CREM: variants seen among roughly 807,000 people sequenced by gnomAD.
CREM encodes the protein cAMP responsive element modulator.
CREM carries 13 observed loss-of-function variants against 37.3 expected under a neutral mutation model. That is an observed-to-expected ratio of 0.35 (90% CI 0.23 to 0.55). The LOEUF (loss-of-function observed/expected upper bound fraction) is 0.55. Among genes scored for constraint, CREM ranks in the 20% least tolerant of loss-of-function variants. The pLI is 0.88. For synonymous variants in CREM, 124 were observed against 120.2 expected (o/e 1.03, Z -0.21); for missense variants, 296 against 362.3 (o/e 0.82, Z 1.49).
chr10:35,145,850 G>C lies in CREM; in HGVS notation c.45-2518G>C, dbSNP rs2092047409. On this transcript the variant is annotated intron_variant, in intron 2 of 7. Transcript: ENST00000685392. ...TTAATTACTGACCTGCCAATAAACT[G>C]TGTTTCTCAAATTTTAGTACATATT... is the stretch of plus-strand genomic sequence containing the variant. 2.0e-5 allele frequency among the ~76,000 whole-genome samples: 3 copies of C among 148,114 alleles called. No homozygotes were observed. The Admixed American group carries it at 2.0e-4, about 10-fold the overall frequency.
At chr10:35,185,999 A>T (rs1394509470) in intron 5 of CREM, among the ~76,000 whole-genome samples, 2 of 152,230 alleles carry the variant, frequency 1.3e-5, no homozygotes, top group East Asian at 1.9e-4. Flanking sequence ...TTTTTTGCCT[A>T]GATGCCTTTA....
At chr10:35,185,631 A>G (rs538806590) in intron 5 of CREM, among the ~76,000 whole-genome samples, 62 of 152,326 alleles carry the variant, frequency 4.1e-4, no homozygotes, top group African/African-American at 1.4e-3. Context: ...CCCTTTTACT[A>G]TGAGGGCTGA....
chr10:35,169,559 CT>C (rs1454766503), intron 3 of CREM, among the ~76,000 whole-genome samples: 2 of 152,288 alleles, frequency 1.3e-5, no homozygotes, highest in Admixed American at 1.3e-4. Context: ...ATATGACTTC[CT>C]CTTTTCCTAA....
chr10:35,206,854 G>T (rs2134589748), intron 6 of CREM, 41 bp from the exon 7 acceptor site: 1 of 1,603,754 alleles, frequency 6.2e-7, no homozygotes, highest in Non-Finnish European at 8.5e-7. Context: ...GCCAAATTAT[G>T]AATTCTTTAT....
At chr10:35,135,885 G>C (rs546698764) in intron 1 of CREM, among the ~76,000 whole-genome samples, 150 of 152,246 alleles carry the variant, frequency 9.9e-4, no homozygotes, top group African/African-American at 3.4e-3. Flanking sequence ...GGGGTATTGA[G>C]GAAGATGGGG....
rs41306322 is a variant in CREM, at chr10:35,211,139, C to T, written c.756-115C>T. On this transcript the variant is annotated intron_variant, in intron 7 of 7. Coordinates refer to ENST00000685392, the MANE Select transcript of CREM (RefSeq NM_183011.2). ...GTTATGTTTGTTATGTGGCTTTGTA[C>T]AGTCCTTACCTAGGATCGATTGGCT... 2,113 of 1,079,590 alleles carry T rather than the reference C, an allele frequency of 2.0e-3. 3 individuals carry two copies. Among genetic ancestry groups the T allele is most frequent in the Non-Finnish European group, 2.6e-3 (1,959 of 748,922 alleles). 66.9% of individuals were successfully genotyped at this position (1,079,590 alleles called of 1,614,324 possible).
Position 35,206,915 on chromosome 10 carries a change from A to T in CREM, c.619A>T (p.Thr207Ser). 6.2e-7 allele frequency: 1 copy of T among 1,613,816 alleles called. No individual in the cohort carries two copies. Among genetic ancestry groups the T allele is most frequent in the Non-Finnish European group, 8.5e-7 (1 of 1,179,972 alleles). ...VVQAATGDMP[T>S]YQIRAPTAAL... ...TGCAGCTGCCACTGGTGACATGCCA[A>T]CTTACCAGATCCGAGCTCCTACTGC... Residue 207 changes from threonine (T) to serine (S), a missense_variant, in exon 7 of 8, where the codon ACT becomes TCT. Around this residue, in one of 2 missense-constraint regions of CREM, gnomAD observed 257 missense variants for 280.2 expected, o/e 0.92. Coordinates refer to ENST00000685392, the MANE Select transcript of CREM (RefSeq NM_183011.2).
intron 5 of CREM, 92 bp from the exon 6 acceptor site, chr10:35,188,108 T>G: frequency 8.1e-7 from 1 of 1,230,874 alleles, no homozygotes; most frequent in South Asian, 1.6e-5. Context: ...GAAGCAATGG[T>G]AATAAATAGA....
intron 3 of CREM, among the ~76,000 whole-genome samples, chr10:35,169,930 C>T (rs2093723803): frequency 6.6e-6 from 1 of 150,962 alleles, no homozygotes; most frequent in South Asian, 2.1e-4. Context: ...GCCTTGCATC[C>T]CAGGAATGAA....
chr10:35,135,084 C>G (rs570536221), intron 1 of CREM, among the ~76,000 whole-genome samples: 1 of 151,720 alleles, frequency 6.6e-6, no homozygotes, highest in South Asian at 2.1e-4. Flanking sequence ...TGTTGCACCA[C>G]AGGGTGAATG....
At chr10:35,206,437 C>T (rs1011578365) in intron 6 of CREM, among the ~76,000 whole-genome samples, 7 of 152,150 alleles carry the variant, frequency 4.6e-5, no homozygotes, top group African/African-American at 1.7e-4. Flanking sequence ...CTGCTTACCA[C>T]GTGTGTGTCT....
chr10:35,179,026 C>CA, intron 4 of CREM, 40 bp downstream of exon 4: 2 of 1,558,884 alleles, frequency 1.3e-6, no homozygotes, highest in Non-Finnish European at 1.7e-6. Flanking sequence ...ATACTTTTTC[C>CA]AAAATGGTAG....
intron 4 of CREM, 23 bp downstream of exon 4, chr10:35,179,009 T>C (rs2094229406): frequency 6.3e-7 from 1 of 1,577,622 alleles, no homozygotes; most frequent in African/African-American, 1.4e-5. Context: ...AGTTTCCTAA[T>C]GTAAAGATAC....
intron 6 of CREM, among the ~76,000 whole-genome samples, chr10:35,197,219 A>G (rs1019028344): frequency 1.3e-5 from 2 of 152,088 alleles, no homozygotes; most frequent in African/African-American, 2.4e-5. Flanking sequence ...AGTTTTACCA[A>G]TAATGCTACA....
chr10:35,135,037 CAAA>C (rs1208451069), intron 1 of CREM, among the ~76,000 whole-genome samples: 2 of 103,844 alleles, frequency 1.9e-5, no homozygotes. Flanking sequence ...GACTCAGTCT[CAAA>C]AAAAAAAAAA....
At chr10:35,141,908 C>T (rs1448753672) in intron 2 of CREM, among the ~76,000 whole-genome samples, 2 of 152,074 alleles carry the variant, frequency 1.3e-5, no homozygotes, top group African/African-American at 4.8e-5. Context: ...AGTATCAGAA[C>T]GCTGAGACAG....
At chr10:35,162,931 A>C (rs1249910700) in intron 3 of CREM, among the ~76,000 whole-genome samples, 2 of 152,114 alleles carry the variant, frequency 1.3e-5, no homozygotes, top group Admixed American at 6.6e-5. Flanking sequence ...AATTAATGGG[A>C]GAGGAGCAGT....
chr10:35,179,070 A>T, intron 4 of CREM, 64 bp from the exon 5 acceptor site: 1 of 1,539,568 alleles, frequency 6.5e-7, no homozygotes, highest in Non-Finnish European at 8.8e-7. Flanking sequence ...CTTCCTTTAT[A>T]GCTTTTCTGT....
At chr10:35,149,370 C>CAGGT (rs902979586) in intron 3 of CREM, among the ~76,000 whole-genome samples, 4 of 152,238 alleles carry the variant, frequency 2.6e-5, no homozygotes, top group African/African-American at 9.6e-5. Context: ...TAACTGGAGC[C>CAGGT]AGGTGTCTGG....
Sources: allele counts gnomAD v4.1 joint callset (sites outside exome capture counted in the v4.1 genomes callset), GRCh38; gene constraint gnomAD v4.1.1; regional missense constraint gnomAD v4.1.1; transcripts MANE v1.5; gene names NCBI Gene and HGNC (gene_info 2026-07-23, HGNC 2026-07-21).